The following PKHD1 variants were observed in gnomAD, a reference collection of about 807,000 sequenced individuals.
PKHD1 encodes the protein fibrocystin.
Under a neutral mutation model 412.0 loss-of-function variants are expected in PKHD1, and 291 were observed. The observed-to-expected ratio is 0.71, with a 90% CI of 0.64 to 0.78. PKHD1 has a LOEUF of 0.78. Ranked by LOEUF, PKHD1 falls within the 30% of genes least tolerant of loss-of-function variation. The pLI is 0.00. For missense variants in PKHD1, 4,825 were observed against 4,950.7 expected, an observed-to-expected ratio of 0.97 and a Z score of 0.76; for synonymous variants, 1,777 against 1,821.5, an observed-to-expected ratio of 0.98 and a Z score of 0.62.
chr6:51,691,590 G>A (rs1390552555), intron 60 of PKHD1, among the ~76,000 whole-genome samples: 1 of 152,168 alleles, frequency 6.6e-6, no homozygotes, highest in Non-Finnish European at 1.5e-5. Flanking sequence ...TCACTTATAA[G>A]TGGAAGCTAA....
At chr6:51,964,940 T>C (rs1394077006) in intron 35 of PKHD1, among the ~76,000 whole-genome samples, 1 of 152,024 alleles carries the variant, frequency 6.6e-6, no homozygotes, top group African/African-American at 2.4e-5. Flanking sequence ...TGGAAAGTTT[T>C]ATACTTTTTT....
chr6:51,690,870 A>C (rs941319913), intron 60 of PKHD1, among the ~76,000 whole-genome samples: 2 of 152,232 alleles, frequency 1.3e-5, no homozygotes, highest in African/African-American at 2.4e-5. Flanking sequence ...CAACAGAGTA[A>C]ACAGTCAACC....
chr6:52,015,706 C>A (rs1435686411), intron 34 of PKHD1, among the ~76,000 whole-genome samples: 1 of 152,010 alleles, frequency 6.6e-6, no homozygotes, highest in Admixed American at 6.6e-5. Flanking sequence ...CACCTGTAGT[C>A]CCAGCTACTC....
At chr6:51,733,108 T>C (rs1783420277) in intron 60 of PKHD1, among the ~76,000 whole-genome samples, 2 of 151,942 alleles carry the variant, frequency 1.3e-5, no homozygotes, top group Non-Finnish European at 2.9e-5. Flanking sequence ...GAACACGGGG[T>C]AGGGAAGAAT....
intron 37 of PKHD1, 36 bp from the exon 38 acceptor site, chr6:51,912,612 T>A: frequency 7.7e-7 from 1 of 1,297,136 alleles, no homozygotes; most frequent in Non-Finnish European, 1.1e-6. Context: ...CCAGATAATT[T>A]AATCATTAAT....
intron 45 of PKHD1, among the ~76,000 whole-genome samples, chr6:51,883,583 T>G (rs529488978): frequency 6.6e-6 from 1 of 152,224 alleles, no homozygotes; most frequent in Non-Finnish European, 1.5e-5. Flanking sequence ...TTTTCTTCAA[T>G]GTATTATATA....
chr6:51,659,173 G>C lies in PKHD1; in HGVS notation c.10953C>G (p.Pro3651=), dbSNP rs749206389. 1 of 1,613,636 alleles carries C rather than the reference G, an allele frequency of 6.2e-7. No homozygotes were observed. Among genetic ancestry groups the C allele is most frequent in the Non-Finnish European group, 8.5e-7 (1 of 1,179,730 alleles). Residue 3651 remains proline, a synonymous_variant, in exon 61 of 67, where the codon CCC becomes CCG. Coordinates refer to ENST00000371117, the MANE Select transcript of PKHD1 (RefSeq NM_138694.4). The part of the protein sequence containing the change: ...MMEMNSHRAS[P]PMTVETISKV... ...TTGAGATAGTTTCCACAGTCATTGG[G>C]GGTGAAGCCCTATGTGAGTTCATTT... is the stretch of plus-strand genomic sequence containing the variant.
chr6:51,687,560 C>T (rs1250669185), intron 60 of PKHD1, among the ~76,000 whole-genome samples: 1 of 152,178 alleles, frequency 6.6e-6, no homozygotes, highest in African/African-American at 2.4e-5. Context: ...CACATTTTGC[C>T]ACCATGTCAC....
Position 51,694,548 on chromosome 6 carries a change from C to T in PKHD1, c.10157-34579G>A, listed in dbSNP as rs191980170. Among the ~76,000 whole-genome samples, 327 of 37,708 alleles carry T rather than the reference C, an allele frequency of 8.7e-3. 4 individuals carry two copies. The highest frequency in any genetic ancestry group is 0.031 in the African/African-American group (287 of 9,244). 24.7% of individuals were successfully genotyped at this position (37,708 alleles called of 152,430 possible). Reference sequence around the variant, plus strand: ...ACAGGTGCCCGCCACCACAACCAGCCTTTTTTTTTTTTTTTTTTTTTTTTT... The same window carrying T: ...ACAGGTGCCCGCCACCACAACCAGCTTTTTTTTTTTTTTTTTTTTTTTTTT... On this transcript the variant is annotated intron_variant, in intron 60 of 66. Transcript: ENST00000371117.
intron 49 of PKHD1, among the ~76,000 whole-genome samples, chr6:51,850,293 G>A (rs1771957498): frequency 6.6e-6 from 1 of 152,210 alleles, no homozygotes; most frequent in African/African-American, 2.4e-5. Flanking sequence ...TTTGGTTACT[G>A]TAGACTTGCA....
chr6:51,635,858 T>TGGGG (rs1189431938), intron 64 of PKHD1, among the ~76,000 whole-genome samples: 3 of 16,418 alleles, frequency 1.8e-4, no homozygotes, highest in African/African-American at 4.8e-4. Context: ...GTGGTGAAGG[T>TGGGG]GGGGGGGGGC....
chr6:51,680,898 A>G (rs1776564699), intron 60 of PKHD1, among the ~76,000 whole-genome samples: 1 of 152,060 alleles, frequency 6.6e-6, no homozygotes, highest in South Asian at 2.1e-4. Flanking sequence ...GTAAAAAAAA[A>G]CATATGCCTT....
intron 60 of PKHD1, among the ~76,000 whole-genome samples, chr6:51,670,435 G>A (rs1051097755): frequency 6.6e-6 from 1 of 151,420 alleles, no homozygotes; most frequent in African/African-American, 2.4e-5. Context: ...TTGAGCCTAT[G>A]TGTGTCTCTG....
chr6:51,874,425 TTATTC>T (rs1776516616), intron 46 of PKHD1, among the ~76,000 whole-genome samples: 1 of 152,128 alleles, frequency 6.6e-6, no homozygotes, highest in Non-Finnish European at 1.5e-5. Context: ...GTACTGAAAA[TTATTC>T]TATTCATCTC....
At chr6:51,621,797 T>C (rs1766657725) in intron 66 of PKHD1, 1 of 152,292 alleles carries the variant, frequency 6.6e-6, no homozygotes, top group Admixed American at 6.5e-5. Context: ...TCAGAAGGAA[T>C]CAAATCCTTT....
At chr6:51,695,440 G>A (rs1199990335) in intron 60 of PKHD1, among the ~76,000 whole-genome samples, 1 of 152,236 alleles carries the variant, frequency 6.6e-6, no homozygotes, top group East Asian at 1.9e-4. Context: ...AGAGGAGTAG[G>A]AGGAGAAGAG....
chr6:51,700,098 C>T (rs1342001602), intron 60 of PKHD1, among the ~76,000 whole-genome samples: 1 of 151,972 alleles, frequency 6.6e-6, no homozygotes, highest in Non-Finnish European at 1.5e-5. Flanking sequence ...AAATAAAAAA[C>T]ATTAACTATG....
chr6:52,052,425 G>A (rs9463751), intron 21 of PKHD1, among the ~76,000 whole-genome samples: 6,189 of 152,240 alleles, frequency 0.041, 430 homozygotes, highest in African/African-American at 0.14. Context: ...AGGAAGAGCC[G>A]GGCCTGATCT....
chr6:51,914,794 G>A (rs1045192696), intron 37 of PKHD1, among the ~76,000 whole-genome samples: 45 of 151,942 alleles, frequency 3.0e-4, no homozygotes, highest in Admixed American at 2.8e-3. Context: ...TCATTTAACC[G>A]GATCGTCCTG....
Sources: allele counts gnomAD v4.1 joint callset (sites outside exome capture counted in the v4.1 genomes callset), GRCh38; gene constraint gnomAD v4.1.1; transcripts MANE v1.5; gene names NCBI Gene and HGNC (gene_info 2026-07-23, HGNC 2026-07-21).